STAT4: variants seen among roughly 807,000 people sequenced by gnomAD.
STAT4 encodes the protein signal transducer and activator of transcription 4.
Under a neutral mutation model 110.5 loss-of-function variants are expected in STAT4, and 42 were observed. That is an observed-to-expected ratio of 0.38 (90% confidence interval 0.30 to 0.49). The LOEUF (loss-of-function observed/expected upper bound fraction) is 0.49, where lower values mean the gene tolerates loss of function less well. Among genes scored for constraint, STAT4 ranks in the 20% least tolerant of loss-of-function variants. The pLI is 0.95. For missense variants in STAT4, 632 were observed against 887.9 expected (o/e 0.71, Z 3.66); for synonymous variants, 284 against 302.2 (o/e 0.94, Z 0.63).
rs144176463 is a variant in STAT4, at chr2:191,043,442, A to T, written c.1252-2294T>A. On this transcript the variant is annotated intron_variant, in intron 14 of 23. Coordinates refer to ENST00000392320, the MANE Select transcript of STAT4 (RefSeq NM_003151.4). The surrounding 1 kb of genome is among the most constrained non-coding windows in gnomAD (Gnocchi z 4.8). ...AGAGGAAATGTCAAAGACATAAACA[A>T]ATTGTAATTCTTATATACCACTTAT... Among the ~76,000 whole-genome samples the T allele has an allele frequency of 6.6e-6, 1 of 152,348 alleles. No individual in the cohort carries two copies. Among genetic ancestry groups the T allele is most frequent in the African/African-American group, 2.4e-5 (1 of 41,588 alleles).
intron 6 of STAT4, chr2:191,068,308 C>T (rs1697049649): frequency 6.6e-6 from 1 of 152,136 alleles, no homozygotes; most frequent in Admixed American, 6.6e-5. Flanking sequence ...CAATGAACAT[C>T]ACTTGATTAA....
In STAT4 at chr2:191,051,163, G is replaced by C. The variant is rs2125195634; in HGVS notation, c.1251+3327C>G. ...GTTTCAAGGAACTGGAGCTGGAAGA[G>C]GGAAGTGCCAGGGTCCCCTGAAAGG... On this transcript the variant is annotated intron_variant, in intron 14 of 23. Coordinates refer to ENST00000392320, the MANE Select transcript of STAT4 (RefSeq NM_003151.4). The surrounding 1 kb of genome is among the most constrained non-coding windows in gnomAD (Gnocchi z 5.6). Among the ~76,000 whole-genome samples the C allele has an allele frequency of 6.6e-6, 1 of 152,306 alleles. No individual in the cohort carries two copies. The highest frequency in any genetic ancestry group is 2.1e-4 in the South Asian group (1 of 4,818).
At chr2:191,109,754 T>G (rs915102552) in intron 3 of STAT4, among the ~76,000 whole-genome samples, 6 of 152,216 alleles carry the variant, frequency 3.9e-5, no homozygotes, top group African/African-American at 1.2e-4. Context: ...TTCCCATGTC[T>G]ATCCCTCAAA....
rs1479855006 is a variant in STAT4 at position 191,043,268 on chromosome 2, A to T, written c.1252-2120T>A. 6.6e-6 allele frequency among the ~76,000 whole-genome samples: 1 copy of T among 152,216 alleles called. No homozygotes were observed. The highest frequency in any genetic ancestry group is 1.5e-5 in the Non-Finnish European group (1 of 68,038). On this transcript the variant is annotated intron_variant, in intron 14 of 23. Transcript: ENST00000392320. The surrounding 1 kb of genome is among the most constrained non-coding windows in gnomAD (Gnocchi z 4.8). Reference sequence around the variant, plus strand: ...TCAGTAAAAAGATTGGACATAAAGTAGAGGAAATTTCCCAGAATGTAAAAC... The same window carrying T: ...TCAGTAAAAAGATTGGACATAAAGTTGAGGAAATTTCCCAGAATGTAAAAC...
intron 3 of STAT4, among the ~76,000 whole-genome samples, chr2:191,108,875 A>C (rs1379726590): frequency 1.3e-5 from 2 of 152,224 alleles, no homozygotes; most frequent in Non-Finnish European, 2.9e-5. Context: ...CTAACAAAAC[A>C]GTTTTTCTTA....
chr2:191,106,083 T>C (rs1698270903), intron 3 of STAT4, among the ~76,000 whole-genome samples: 1 of 152,160 alleles, frequency 6.6e-6, no homozygotes, highest in African/African-American at 2.4e-5. Context: ...CTCAACTGAA[T>C]CATCAGTAAT....
At chr2:191,111,577 G>A (rs114592609) in intron 3 of STAT4, among the ~76,000 whole-genome samples, 6,042 of 152,284 alleles carry the variant, frequency 0.04, 417 homozygotes, top group African/African-American at 0.14. Flanking sequence ...ATGGGGCCGA[G>A]TGTGATGGCT....
intron 5 of STAT4, among the ~76,000 whole-genome samples, chr2:191,071,250 C>T (rs1017928871): frequency 1.8e-4 from 27 of 152,156 alleles, no homozygotes; most frequent in African/African-American, 6.5e-4. Context: ...AGCTAGAATT[C>T]AAATCTAGTC....
Position 191,033,924 on chromosome 2 carries a change from G to T in STAT4, c.1702C>A (p.Leu568Ile). The part of the protein sequence containing the change: ...LDLIKKHILP[L>I]WIDGYVMGFV... ...CCTATAACTTACCCATCAATCCAAA[G>T]GGGAAGAATGTGTTTCTTAATTAGA... The change falls in exon 19 of 24, where the codon CTT becomes ATT. Residue 568 changes from leucine (L) to isoleucine (I), a missense_variant. By Grantham distance (5) the Leu-to-Ile change is conservative. Coordinates refer to ENST00000392320, the MANE Select transcript of STAT4 (RefSeq NM_003151.4). The surrounding 1 kb of genome is among the most constrained non-coding windows in gnomAD (Gnocchi z 6.9). 6.2e-7 allele frequency: 1 copy of T among 1,609,476 alleles called. No homozygotes were observed. The highest frequency in any genetic ancestry group is 1.1e-5 in the South Asian group (1 of 89,860).
rs939111067 is a variant in STAT4, at chr2:191,039,775, T to G, written c.1336-478A>C. Among the ~76,000 whole-genome samples, 6 of 152,218 alleles carry G rather than the reference T, an allele frequency of 3.9e-5. No homozygotes were observed. The highest frequency in any genetic ancestry group is 2.1e-4 in the South Asian group (1 of 4,834). ...GTTTCTATTGTAAAAATAGGAGAGA[T>G]AAGCTATGGGAGATAGAGCCGTCTG... On this transcript the variant is annotated intron_variant, in intron 15 of 23. Coordinates refer to ENST00000392320, the MANE Select transcript of STAT4 (RefSeq NM_003151.4). The surrounding 1 kb of genome is among the most constrained non-coding windows in gnomAD (Gnocchi z 4.7).
intron 13 of STAT4, among the ~76,000 whole-genome samples, chr2:191,057,582 TTTTTTTTTTTTTTCTTTTTC>T (rs1233480925): frequency 0.037 from 108 of 2,898 alleles, no homozygotes; most frequent in Admixed American, 0.077. Context: ...ATTTCTTTTC[TTTTTTTTTTTTTTCTTTTTC>T]TTTTTTTTTT....
intron 5 of STAT4, among the ~76,000 whole-genome samples, chr2:191,070,226 C>CT (rs1559053194): frequency 6.6e-6 from 1 of 152,028 alleles, no homozygotes. Flanking sequence ...TTTCTATTTC[C>CT]TGAAATATGC....
At chr2:191,056,560 T>A (rs192696072) in intron 13 of STAT4, among the ~76,000 whole-genome samples, 7 of 151,748 alleles carry the variant, frequency 4.6e-5, no homozygotes, top group Non-Finnish European at 8.8e-5. Flanking sequence ...CATGTGTGTA[T>A]GTGTGTGTGT....
At chr2:191,136,253 G>C (rs1172022611) in intron 3 of STAT4, among the ~76,000 whole-genome samples, 3 of 152,082 alleles carry the variant, frequency 2.0e-5, no homozygotes, top group East Asian at 1.9e-4. Context: ...ACATAAAAAG[G>C]CCATACATGA....
intron 3 of STAT4, among the ~76,000 whole-genome samples, chr2:191,079,413 T>C (rs1304973874): frequency 2.0e-5 from 3 of 152,050 alleles, no homozygotes; most frequent in East Asian, 1.9e-4. Flanking sequence ...GGTTTATTTC[T>C]GTAGATGGTA....
chr2:191,140,899 A>G lies in STAT4; in HGVS notation c.273+5714T>C, dbSNP rs549035316. Among the ~76,000 whole-genome samples the G allele has an allele frequency of 2.0e-5, 3 of 152,318 alleles. No homozygotes were observed. Among genetic ancestry groups the G allele is most frequent in the Admixed American group, 2.0e-4 (3 of 15,300 alleles). ...TGGTATATATACACTATGGAATACTACTCAGCCATAAAAAGGAATGAAATA... is the reference window on the plus strand; with the variant it reads ...TGGTATATATACACTATGGAATACTGCTCAGCCATAAAAAGGAATGAAATA... On this transcript the variant is annotated intron_variant, in intron 3 of 23. Transcript: ENST00000392320. The surrounding 1 kb of genome is among the most constrained non-coding windows in gnomAD (Gnocchi z 4.4).
At chr2:191,125,054 T>C (rs1397993714) in intron 3 of STAT4, among the ~76,000 whole-genome samples, 3 of 152,192 alleles carry the variant, frequency 2.0e-5, no homozygotes, top group Non-Finnish European at 2.9e-5. Flanking sequence ...GGGAAAAGAT[T>C]TGGTGAGTTG....
At chr2:191,093,059 G>A (rs1161714752) in intron 3 of STAT4, among the ~76,000 whole-genome samples, 2 of 152,172 alleles carry the variant, frequency 1.3e-5, no homozygotes, top group South Asian at 2.1e-4. Flanking sequence ...TGAACTGGGC[G>A]GATCCCACAA....
chr2:191,031,369 A>T lies in STAT4; in HGVS notation c.2111+81T>A. ...ACATTACAATGCTTTGTTCTCAGTT[A>T]TGTGTACTCTGCTCTACCTTTAAAT... On this transcript the variant is annotated intron_variant, in intron 22 of 23. Coordinates refer to ENST00000392320, the MANE Select transcript of STAT4 (RefSeq NM_003151.4). This position sits in a 1 kb window ranked among gnomAD's most constrained non-coding sequence, Gnocchi z 4.8. The T allele has an allele frequency of 2.2e-6, 3 of 1,372,498 alleles. No individual in the cohort carries two copies. Among genetic ancestry groups the T allele is most frequent in the Non-Finnish European group, 3.0e-6 (3 of 988,692 alleles). The allele number at this position is 1,372,498 out of a possible 1,614,324, so 85.0% of individuals were successfully genotyped here.
Sources: gnomAD v4.1 joint callset for allele counts (sites outside exome capture counted in the v4.1 genomes callset) on GRCh38, gnomAD v4.1.1 for gene constraint, Gnocchi (gnomAD v3.1) non-coding constraint, MANE v1.5 for transcripts, NCBI Gene and HGNC (gene_info 2026-07-23, HGNC 2026-07-21) for gene names.